Variants in PCDHGA12 observed in about 807,000 individuals in gnomAD.
PCDHGA12 encodes the protein protocadherin gamma-A12.
PCDHGA12 carries 43 observed loss-of-function variants against 61.1 expected under a neutral mutation model. That is an observed-to-expected ratio of 0.70 (90% CI 0.55 to 0.91). The LOEUF is 0.91. Ranked by LOEUF, PCDHGA12 falls within the 40% of genes least tolerant of loss-of-function variation. PCDHGA12 has a pLI of 0.00. For synonymous variants in PCDHGA12, 520 were observed against 542.9 expected (o/e 0.96, Z 0.59); for missense variants, 1,236 against 1,227.7 (o/e 1.01, Z -0.10).
chr5:141,480,429 T>A (rs72790066), intron 1 of PCDHGA12, among the ~76,000 whole-genome samples: 9,317 of 151,926 alleles, frequency 0.061, 335 homozygotes, highest in South Asian at 0.12. Context: ...AAAAAAATTA[T>A]CAGCTATTAC....
At position 141,477,576 on chromosome 5, in the gene PCDHGA12, C is replaced by A; in HGVS notation, c.2425-17231C>A. The A allele has an allele frequency of 6.2e-7, 1 of 1,614,162 alleles. No homozygotes were observed. The highest frequency in any genetic ancestry group is 8.5e-7 in the Non-Finnish European group (1 of 1,180,026). On this transcript the variant is annotated intron_variant, in intron 1 of 3. Transcript: ENST00000252085. The surrounding 1 kb of genome is among the most constrained non-coding windows in gnomAD (Gnocchi z 4.9). ...CTAAGTGTCTGGGACCCCGACGCCC[C>A]GCAGAATGCTCGGCTTTCTTTCTTT...
At chr5:141,475,988 A>C (rs1197163866) in intron 1 of PCDHGA12, 29 of 1,114,786 alleles carry the variant, frequency 2.6e-5, no homozygotes, top group Non-Finnish European at 3.2e-5. Context: ...GCCGGCGAGC[A>C]AATCAACGGC....
At chr5:141,497,848 T>C (rs2099779951) in intron 2 of PCDHGA12, among the ~76,000 whole-genome samples, 1 of 152,178 alleles carries the variant, frequency 6.6e-6, no homozygotes, top group South Asian at 2.1e-4. Flanking sequence ...AACAAACATT[T>C]TTGATTCAGC....
At position 141,459,533 on chromosome 5, in the gene PCDHGA12, A is replaced by AT. The variant is rs956234847; in HGVS notation, c.2424+26358dup. Among the ~76,000 whole-genome samples the AT allele has an allele frequency of 1.2e-4, 18 of 152,018 alleles. No homozygotes were observed. In the South Asian group the frequency reaches 2.3e-3, roughly 19 times the overall value. ...CATGTACAAGTATTTTTGTAGGCAT[A>AT]TTTTTTTTATTTCTCTTGGATAAAT... is the stretch of plus-strand genomic sequence containing the variant. On this transcript the variant is annotated intron_variant, in intron 1 of 3. Transcript: ENST00000252085.
In PCDHGA12 at chr5:141,430,937, G is replaced by C. The variant is rs888990395; in HGVS notation, c.178G>C (p.Ala60Pro). ...RDLGLEPREL[A>P]ERGVRIIPRG... ...CCTGGGGCTGGAGCCCCGGGAGCTC[G>C]CGGAGCGCGGAGTCCGCATCATCCC... The change falls in exon 1 of 4, where the codon GCG becomes CCG. Residue 60 changes from alanine (A) to proline (P), a missense_variant. Physicochemically the swap from Ala to Pro is conservative, Grantham distance 27. Coordinates refer to ENST00000252085, the MANE Select transcript of PCDHGA12 (RefSeq NM_003735.3). The C allele has an allele frequency of 8.7e-6, 14 of 1,607,498 alleles. No individual in the cohort carries two copies. The highest frequency in any genetic ancestry group is 1.7e-5 in the Admixed American group (1 of 58,732).
intron 1 of PCDHGA12, among the ~76,000 whole-genome samples, chr5:141,447,747 C>A (rs1164160677): frequency 2.0e-5 from 3 of 152,106 alleles, no homozygotes; most frequent in Non-Finnish European, 4.4e-5. Flanking sequence ...AAGAGTCTTG[C>A]ATGTGACTGT....
intron 1 of PCDHGA12, among the ~76,000 whole-genome samples, chr5:141,494,382 G>C (rs1311387598): frequency 6.6e-6 from 1 of 152,182 alleles, no homozygotes; most frequent in Non-Finnish European, 1.5e-5. Flanking sequence ...CCCAGCTGAG[G>C]AGTTGAATAA....
chr5:141,451,579 A>G (rs1222576609), intron 1 of PCDHGA12, among the ~76,000 whole-genome samples: 1 of 152,084 alleles, frequency 6.6e-6, no homozygotes, highest in Non-Finnish European at 1.5e-5. Flanking sequence ...TTATAAACCT[A>G]ATTTTGAAAG....
chr5:141,511,428 G>T lies in PCDHGA12; in HGVS notation c.*255G>T. 1 of 769,024 alleles carries T rather than the reference G, an allele frequency of 1.3e-6. No homozygotes were observed. The highest frequency in any genetic ancestry group is 2.0e-6 in the Non-Finnish European group (1 of 504,448). 47.6% of individuals were successfully genotyped at this position (769,024 alleles called of 1,614,324 possible). ...ACTGCTGTACCCATGGGGGTAGTGG[G>T]GTTACTGTAGACACCAAGAACCATT... On this transcript the variant is annotated 3_prime_UTR_variant, in exon 4 of 4. Transcript: ENST00000252085.
At chr5:141,435,413 A>G (rs1422263053) in intron 1 of PCDHGA12, among the ~76,000 whole-genome samples, 1 of 152,122 alleles carries the variant, frequency 6.6e-6, no homozygotes, top group Admixed American at 6.5e-5. Flanking sequence ...GGTAAAGACT[A>G]TTTTTCACTT....
intron 1 of PCDHGA12, among the ~76,000 whole-genome samples, chr5:141,458,982 C>G (rs2098958289): frequency 6.6e-6 from 1 of 152,164 alleles, no homozygotes; most frequent in Admixed American, 6.5e-5. Flanking sequence ...GTCCTCCTGC[C>G]TCACCCTCCC....
chr5:141,444,376 G>A (rs977995642), intron 1 of PCDHGA12, among the ~76,000 whole-genome samples: 1 of 151,796 alleles, frequency 6.6e-6, no homozygotes, highest in Non-Finnish European at 1.5e-5. Flanking sequence ...TCTCCATGTT[G>A]GTCAGGCTAG....
Position 141,430,986 on chromosome 5 carries a change from C to G in PCDHGA12, c.227C>G (p.Ala76Gly), listed in dbSNP as rs549700048. 1 of 1,613,762 alleles carries G rather than the reference C, an allele frequency of 6.2e-7. No individual in the cohort carries two copies. Among genetic ancestry groups the G allele is most frequent in the African/African-American group, 1.3e-5 (1 of 75,042 alleles). The change falls in exon 1 of 4, where the codon GCC becomes GGC. Residue 76 changes from alanine (A) to glycine (G), a missense_variant. Transcript: ENST00000252085. ...IIPRGRTQLF[A>G]LNPRSGSLVT... is the part of the protein sequence containing the mutation. ...CCCAGAGGTAGGACGCAGCTTTTCG[C>G]CCTGAATCCGCGCAGCGGCAGCTTG...
chr5:141,437,617 C>T (rs570138576), intron 1 of PCDHGA12, among the ~76,000 whole-genome samples: 1 of 152,102 alleles, frequency 6.6e-6, no homozygotes, highest in Admixed American at 6.6e-5. Flanking sequence ...CTGCTTTATC[C>T]CCATATAAGA....
At position 141,476,764 on chromosome 5, in the gene PCDHGA12, G is replaced by A. The variant is rs570982273; in HGVS notation, c.2425-18043G>A. 1.2e-6 allele frequency: 2 copies of A among 1,613,794 alleles called. No homozygotes were observed. Reference sequence around the variant, plus strand: ...CTAGTCTCCAGTTAGTGCTGACGGCGTTGGACGGAGGGACCCCAGCTCTCT... The same window carrying A: ...CTAGTCTCCAGTTAGTGCTGACGGCATTGGACGGAGGGACCCCAGCTCTCT... On this transcript the variant is annotated intron_variant, in intron 1 of 3. Coordinates refer to ENST00000252085, the MANE Select transcript of PCDHGA12 (RefSeq NM_003735.3). The surrounding 1 kb of genome is among the most constrained non-coding windows in gnomAD (Gnocchi z 7.6).
chr5:141,485,539 G>C lies in PCDHGA12; in HGVS notation c.2425-9268G>C, dbSNP rs370323886. The C allele has an allele frequency of 9.9e-6, 16 of 1,613,986 alleles. No homozygotes were observed. In the African/African-American group the frequency reaches 2.0e-4, roughly 20 times the overall value. On this transcript the variant is annotated intron_variant, in intron 1 of 3. Transcript: ENST00000252085. This position sits in a 1 kb window ranked among gnomAD's most constrained non-coding sequence, Gnocchi z 5.7. ...TGGAAATGTACCGAGCAGAGGTAGA[G>C]ATCGTAGATGTGAATGATCACGCCC... is the stretch of plus-strand genomic sequence containing the variant.
At position 141,431,098 on chromosome 5, in the gene PCDHGA12, A is replaced by G; in HGVS notation, c.339A>G (p.Lys113=). The G allele has an allele frequency of 6.2e-7, 1 of 1,614,260 alleles. No homozygotes were observed. The highest frequency in any genetic ancestry group is 8.5e-7 in the Non-Finnish European group (1 of 1,180,040). Residue 113 remains lysine (K), a synonymous_variant, in exon 1 of 4, where the codon AAA becomes AAG. Transcript: ENST00000252085. This position sits in a 1 kb window ranked among gnomAD's most constrained non-coding sequence, Gnocchi z 4.8. ...QLNLDILMED[K]VKIYGVEVEV... is the part of the protein sequence containing the mutation. ...ATCTAGACATTCTGATGGAGGATAA[A>G]GTGAAAATATATGGAGTAGAAGTAG...
intron 1 of PCDHGA12, chr5:141,478,905 G>T (rs1593970684): frequency 1.1e-6 from 1 of 930,214 alleles, no homozygotes; most frequent in East Asian, 2.7e-5. Flanking sequence ...GGAATAAGCT[G>T]CTGGATACCT....
intron 2 of PCDHGA12, among the ~76,000 whole-genome samples, chr5:141,501,703 G>A (rs183907124): frequency 6.6e-6 from 1 of 152,088 alleles, no homozygotes; most frequent in Non-Finnish European, 1.5e-5. Flanking sequence ...GTGATTCCGA[G>A]GATAAAAAAG....
Sources: gnomAD v4.1 joint callset for allele counts (sites outside exome capture counted in the v4.1 genomes callset) on GRCh38, gnomAD v4.1.1 for gene constraint, Gnocchi (gnomAD v3.1) non-coding constraint, MANE v1.5 for transcripts, NCBI Gene and HGNC (gene_info 2026-07-23, HGNC 2026-07-21) for gene names.